The following ABHD3 variants were observed in gnomAD, a reference collection of about 807,000 sequenced individuals.
The protein encoded by ABHD3 is phospholipase ABHD3.
A neutral mutation model predicts 48.8 loss-of-function variants in ABHD3; 46 were observed. The ratio of observed to expected loss-of-function variants is 0.94; its 90% CI spans 0.74 to 1.20. The LOEUF is 1.20. ABHD3 is among the 50% of genes most tolerant of loss of function. The pLI is 0.00. For synonymous variants in ABHD3, 192 were observed against 183.7 expected, an observed-to-expected ratio of 1.04 and a Z score of -0.36; for missense variants, 490 against 497.8, an observed-to-expected ratio of 0.98 and a Z score of 0.15.
intron 3 of ABHD3, among the ~76,000 whole-genome samples, chr18:21,690,573 G>A (rs1450412041): frequency 6.6e-6 from 1 of 152,188 alleles, no homozygotes; most frequent in East Asian, 1.9e-4. Flanking sequence ...CTGCACTCCA[G>A]CCTGGGCGAC....
At position 21,651,772 on chromosome 18, in the gene ABHD3, C is replaced by A. The variant is rs2039228140; in HGVS notation, c.1058-9G>T. 5.1e-5 allele frequency: 75 copies of A among 1,473,052 alleles called. No individual in the cohort carries two copies. Among genetic ancestry groups the A allele is most frequent in the South Asian group, 1.3e-4 (9 of 70,066 alleles). 91.2% of individuals were successfully genotyped at this position (1,473,052 alleles called of 1,614,324 possible). A position where few individuals can be genotyped will look rare whatever the true frequency, so the allele number is the denominator to read the frequency against. On this transcript the variant is annotated splice_polypyrimidine_tract_variant and intron_variant, in intron 8 of 8. Coordinates refer to ENST00000289119, the MANE Select transcript of ABHD3 (RefSeq NM_138340.5). Reference sequence around the variant, plus strand: ...AGTTTCTATTGGAATAGCTTCAGACCAAAAAAAACATGGCAATAAGAGAGA... The same window carrying A: ...AGTTTCTATTGGAATAGCTTCAGACAAAAAAAAACATGGCAATAAGAGAGA...
At chr18:21,693,818 C>G (rs2040307002) in intron 3 of ABHD3, among the ~76,000 whole-genome samples, 1 of 152,278 alleles carries the variant, frequency 6.6e-6, no homozygotes, top group South Asian at 2.1e-4. Context: ...AAAAAATATT[C>G]TGGTGTTAAT....
At chr18:21,671,835 C>T (rs1304608266) in intron 4 of ABHD3, among the ~76,000 whole-genome samples, 1 of 152,132 alleles carries the variant, frequency 6.6e-6, no homozygotes, top group East Asian at 1.9e-4. Context: ...TGAGGTCTCA[C>T]TATTTTGCTC....
chr18:21,698,715 G>C (rs8093782), intron 3 of ABHD3, among the ~76,000 whole-genome samples: 80,693 of 151,642 alleles, frequency 0.53, 25,149 homozygotes, highest in African/African-American at 0.87. Flanking sequence ...TAGCTGGGAT[G>C]ACAGGTGTCC....
intron 4 of ABHD3, among the ~76,000 whole-genome samples, chr18:21,679,877 T>A (rs1453160243): frequency 6.6e-6 from 1 of 152,094 alleles, no homozygotes; most frequent in South Asian, 2.1e-4. Context: ...TTTCGCCATG[T>A]TGGCCAGGCT....
At chr18:21,701,088 G>A (rs183244913) in intron 3 of ABHD3, among the ~76,000 whole-genome samples, 3 of 151,864 alleles carry the variant, frequency 2.0e-5, no homozygotes, top group Non-Finnish European at 4.4e-5. Flanking sequence ...TAGTTCTTGA[G>A]AGAATGTTAC....
intron 4 of ABHD3, among the ~76,000 whole-genome samples, chr18:21,667,013 T>A (rs1475936541): frequency 6.6e-6 from 1 of 152,122 alleles, no homozygotes; most frequent in Non-Finnish European, 1.5e-5. Flanking sequence ...TTAACCATGA[T>A]CATGCTAGGA....
chr18:21,659,717 G>A (rs1020671861), intron 5 of ABHD3, among the ~76,000 whole-genome samples: 30 of 151,900 alleles, frequency 2.0e-4, no homozygotes, highest in African/African-American at 5.6e-4. Flanking sequence ...CACCCAGCCT[G>A]GAGTGCAGTG....
intron 4 of ABHD3, among the ~76,000 whole-genome samples, chr18:21,683,349 T>A (rs1196235381): frequency 6.6e-6 from 1 of 152,158 alleles, no homozygotes. Context: ...ATATAAATTT[T>A]AAAAGGTTTC....
rs764455437 is a variant in ABHD3 at position 21,702,365 on chromosome 18, C to T, written c.460G>A (p.Glu154Lys). 1 of 1,613,738 alleles carries T rather than the reference C, an allele frequency of 6.2e-7. No homozygotes were observed. ...TGGATCATATGAAGGATATATGACT[C>T]CTTGCTTGTTCCCGTGAGGCCAGGC... The part of the protein sequence containing the change: ...LLPGLTGTSK[E>K]SYILHMIHLS... The change falls in exon 3 of 9, where the codon GAG becomes AAG. Residue 154 changes from glutamate (E) to lysine (K), a missense_variant. Coordinates refer to ENST00000289119, the MANE Select transcript of ABHD3 (RefSeq NM_138340.5).
chr18:21,653,052 CAAAAAAAAAAAAA>C (rs745321830), intron 8 of ABHD3, among the ~76,000 whole-genome samples: 3 of 4,904 alleles, frequency 6.1e-4, no homozygotes, highest in East Asian at 0.018. Flanking sequence ...GACTCCATCT[CAAAAAAAAAAAAA>C]AAAAAAAAAA....
Position 21,684,021 on chromosome 18 carries a change from A to G in ABHD3, c.510-56T>C, listed in dbSNP as rs1052973151. The G allele has an allele frequency of 5.4e-6, 8 of 1,493,472 alleles. No individual in the cohort carries two copies. In the African/African-American group the frequency reaches 5.5e-5, roughly 10 times the overall value. 92.5% of individuals were successfully genotyped at this position (1,493,472 alleles called of 1,614,324 possible). The stretch of plus-strand genomic sequence containing the variant: ...TTTACACATGATTCTTGCTCATGAT[A>G]TAATATTAAAGTCATCTTACTGACA... On this transcript the variant is annotated intron_variant, in intron 3 of 8. Transcript: ENST00000289119.
chr18:21,670,200 G>T (rs1431929661), intron 4 of ABHD3, among the ~76,000 whole-genome samples: 1 of 152,078 alleles, frequency 6.6e-6, no homozygotes, highest in African/African-American at 2.4e-5. Flanking sequence ...GTTCCAGCAG[G>T]CTCCGATGGC....
At position 21,698,878 on chromosome 18, in the gene ABHD3, G is replaced by A. The variant is rs935126768; in HGVS notation, c.509+3438C>T. Among the ~76,000 whole-genome samples the A allele has an allele frequency of 5.3e-5, 8 of 151,984 alleles. No homozygotes were observed. The East Asian group carries it at 1.5e-3, about 29-fold the overall frequency. ...TTACAGGCGTCAGCCACTGTGCCTG[G>A]CTGACATAAACATTTTCTAAAGACC... On this transcript the variant is annotated intron_variant, in intron 3 of 8. Transcript: ENST00000289119.
At chr18:21,698,537 A>C (rs771473528) in intron 3 of ABHD3, among the ~76,000 whole-genome samples, 1 of 151,766 alleles carries the variant, frequency 6.6e-6, no homozygotes, top group African/African-American at 2.4e-5. Flanking sequence ...GGGAAGTAAG[A>C]CATAAACATT....
intron 5 of ABHD3, chr18:21,662,265 C>T (rs1440711803): frequency 6.6e-6 from 1 of 152,004 alleles, no homozygotes; most frequent in Admixed American, 6.6e-5. Context: ...CCATCATGCC[C>T]GGCTAATTTC....
intron 4 of ABHD3, chr18:21,683,407 C>A: frequency 5.8e-6 from 2 of 343,870 alleles, no homozygotes; most frequent in Admixed American, 3.6e-5. Flanking sequence ...AGGCATGTGA[C>A]ATACAAAATT....
chr18:21,678,111 C>G (rs1389761520), intron 4 of ABHD3, among the ~76,000 whole-genome samples: 1 of 152,068 alleles, frequency 6.6e-6, no homozygotes, highest in East Asian at 1.9e-4. Flanking sequence ...GCACATGCCA[C>G]CACACTTGGC....
At chr18:21,655,877 C>T (rs940117167) in intron 8 of ABHD3, among the ~76,000 whole-genome samples, 6 of 151,468 alleles carry the variant, frequency 4.0e-5, no homozygotes, top group African/African-American at 1.2e-4. Flanking sequence ...AAAGTTTAGG[C>T]TGGGTGTGGT....
Sources: gnomAD v4.1 joint callset for allele counts (sites outside exome capture counted in the v4.1 genomes callset) on GRCh38, gnomAD v4.1.1 for gene constraint, MANE v1.5 for transcripts, NCBI Gene and HGNC (gene_info 2026-07-23, HGNC 2026-07-21) for gene names.